SIRT4: variants seen among roughly 807,000 people sequenced by gnomAD.
The protein encoded by SIRT4 is NAD-dependent protein lipoamidase sirtuin-4, mitochondrial.
In SIRT4, 23 loss-of-function variants were observed where a neutral mutation model predicts 26.1. The observed-to-expected ratio is 0.88, with a 90% CI of 0.63 to 1.25. The LOEUF is 1.25. Ranked by LOEUF, SIRT4 falls within the 50% of genes most tolerant of loss-of-function variation. SIRT4 has a pLI of 0.00. For missense variants in SIRT4, 361 were observed against 405.4 expected (o/e 0.89, Z 0.94); for synonymous variants, 155 against 158.4 (o/e 0.98, Z 0.16).
the SIRT4 span, among the ~76,000 whole-genome samples, chr12:120,294,852 G>T: frequency 1.3e-5 from 2 of 149,496 alleles, no homozygotes; most frequent in Non-Finnish European, 3.0e-5. Flanking sequence ...TTTTGAGGGG[G>T]AGTCTCGCTC....
chr12:120,304,983 G>A (rs948462286), intron 2 of SIRT4, among the ~76,000 whole-genome samples: 3 of 150,888 alleles, frequency 2.0e-5, no homozygotes, highest in Admixed American at 6.6e-5. Context: ...GTGAAACCCC[G>A]TCTCTACTAA....
chr12:120,306,866 A>T (rs1218605352), intron 2 of SIRT4, among the ~76,000 whole-genome samples: 1 of 152,212 alleles, frequency 6.6e-6, no homozygotes, highest in Non-Finnish European at 1.5e-5. Context: ...TGAGGAAAAT[A>T]TGAGCTGAAC....
In SIRT4 at chr12:120,312,638, T is replaced by C; in HGVS notation, c.680T>C (p.Leu227Pro). The C allele has an allele frequency of 1.2e-6, 2 of 1,614,190 alleles. No homozygotes were observed. Among genetic ancestry groups the C allele is most frequent in the Non-Finnish European group, 1.7e-6 (2 of 1,180,036 alleles). ...VPTCVQCGGH[L>P]KPDVVFFGDT... Reference sequence around the variant, plus strand: ...ACCTGCGTTCAATGTGGAGGCCATCTGAAACCAGATGTCGTTTTCTTCGGG... The same window carrying C: ...ACCTGCGTTCAATGTGGAGGCCATCCGAAACCAGATGTCGTTTTCTTCGGG... Residue 227 changes from leucine (L) to proline (P), a missense_variant, in exon 3 of 4, where the codon CTG (leucine) becomes CCG (proline). Physicochemically the swap from Leu to Pro is moderately conservative, Grantham distance 98. Transcript: ENST00000202967.
At chr12:120,298,821 C>T (rs1872431044), upstream of SIRT4, among the ~76,000 whole-genome samples, 1 of 151,348 alleles carries the variant, frequency 6.6e-6, no homozygotes, top group Non-Finnish European at 1.5e-5. Flanking sequence ...GCAGGAGAAT[C>T]ACTTGAACCC....
At chr12:120,304,825 ATATATATATATTTT>A (rs1294396992) in intron 2 of SIRT4, among the ~76,000 whole-genome samples, 10 of 18,150 alleles carry the variant, frequency 5.5e-4, no homozygotes, top group Admixed American at 3.0e-3. Context: ...ATATATATAT[ATATATATATATTTT>A]TTTTTTTTTT....
At chr12:120,298,033 GA>G (rs903851362), upstream of SIRT4, among the ~76,000 whole-genome samples, 869 of 148,922 alleles carry the variant, frequency 5.8e-3, 8 homozygotes, top group African/African-American at 0.021. Flanking sequence ...CTGCAGCCTT[GA>G]AAAAAAAAGG....
chr12:120,292,219 A>G, the SIRT4 span, among the ~76,000 whole-genome samples: 38 of 152,346 alleles, frequency 2.5e-4, no homozygotes, highest in African/African-American at 9.1e-4. Flanking sequence ...TGGAGGGCGC[A>G]GACGGACGAC....
chr12:120,296,080 C>A, the SIRT4 span, among the ~76,000 whole-genome samples: 1 of 93,868 alleles, frequency 1.1e-5, no homozygotes, highest in Non-Finnish European at 2.0e-5. Context: ...AAGCGAGACT[C>A]CGTCTCAAAA....
intron 2 of SIRT4, among the ~76,000 whole-genome samples, chr12:120,304,896 G>A (rs1421516622): frequency 7.0e-6 from 1 of 143,346 alleles, no homozygotes; most frequent in African/African-American, 2.6e-5. Context: ...GCTCACGCCT[G>A]TAATCCCAGC....
Position 120,303,837 on chromosome 12 carries a change from T to C in SIRT4, c.276T>C (p.His92=), listed in dbSNP as rs762926007. 53 of 1,614,036 alleles carry C rather than the reference T, an allele frequency of 3.3e-5. No individual in the cohort carries two copies. The highest frequency in any genetic ancestry group is 4.3e-5 in the Non-Finnish European group (51 of 1,180,018). ...GCACTGACCGCAGGCCCATCCAGCA[T>C]GGTGATTTTGTCCGGAGTGCCCCAA... ...YARTDRRPIQ[H]GDFVRSAPIR... Residue 92 remains histidine (H), a synonymous_variant, in exon 2 of 4, where the codon CAT becomes CAC. Transcript: ENST00000202967.
At chr12:120,292,882 TA>T in the SIRT4 span, among the ~76,000 whole-genome samples, 1 of 152,208 alleles carries the variant, frequency 6.6e-6, no homozygotes, top group Admixed American at 6.6e-5. Flanking sequence ...GCTTTTACCT[TA>T]AAAGTAGAGA....
At chr12:120,297,340 A>AAG (rs1271107777), upstream of SIRT4, among the ~76,000 whole-genome samples, 1,115 of 114,066 alleles carry the variant, frequency 9.8e-3, 21 homozygotes, top group African/African-American at 0.033. Flanking sequence ...AAAAAAAAAA[A>AAG]AGAGAGAGAG....
intron 2 of SIRT4, among the ~76,000 whole-genome samples, chr12:120,309,953 C>A (rs956275933): frequency 6.6e-6 from 1 of 151,596 alleles, no homozygotes; most frequent in Non-Finnish European, 1.5e-5. Flanking sequence ...CTGACCTCAA[C>A]TGATCCACCC....
chr12:120,307,117 G>T (rs907873116), intron 2 of SIRT4, among the ~76,000 whole-genome samples: 2 of 152,186 alleles, frequency 1.3e-5, no homozygotes, highest in South Asian at 4.1e-4. Flanking sequence ...ATATTTACTG[G>T]GTGCCTAGAA....
At chr12:120,301,306 T>C (rs1048128555), upstream of SIRT4, among the ~76,000 whole-genome samples, 1 of 152,042 alleles carries the variant, frequency 6.6e-6, no homozygotes, top group African/African-American at 2.4e-5. Context: ...AATGGCACCA[T>C]TGCACTCCAG....
the SIRT4 span, among the ~76,000 whole-genome samples, chr12:120,293,669 A>G: frequency 6.6e-6 from 1 of 152,200 alleles, no homozygotes; most frequent in Non-Finnish European, 1.5e-5. Context: ...ATTCACTGGC[A>G]TAGAATATGT....
At chr12:120,296,127 C>T in the SIRT4 span, among the ~76,000 whole-genome samples, 3 of 145,300 alleles carry the variant, frequency 2.1e-5, no homozygotes, top group African/African-American at 7.6e-5. Context: ...AGTAACATTT[C>T]CCCCAACATT....
At chr12:120,308,255 C>T (rs996235340) in intron 2 of SIRT4, among the ~76,000 whole-genome samples, 1 of 150,558 alleles carries the variant, frequency 6.6e-6, no homozygotes, top group Non-Finnish European at 1.5e-5. Context: ...CTGCAACCTC[C>T]GCCTCCTGGG....
Position 120,304,020 on chromosome 12 carries a change from G to A in SIRT4, c.459G>A (p.Gly153=). 5 of 1,611,790 alleles carry A rather than the reference G, an allele frequency of 3.1e-6. No individual in the cohort carries two copies. The highest frequency in any genetic ancestry group is 4.2e-6 in the Non-Finnish European group (5 of 1,180,038). The part of the protein sequence containing the change: ...QNVDALHTKA[G]SRRLTELHGC... ...TGGATGCTTTGCACACCAAGGCGGG[G>A]AGTCGGCGCCTGACAGAGCTCCACG... Residue 153 remains glycine, a synonymous_variant, in exon 2 of 4, where the codon GGG becomes GGA. Coordinates refer to ENST00000202967, the MANE Select transcript of SIRT4 (RefSeq NM_012240.3).
Sources: allele counts gnomAD v4.1 joint callset (sites outside exome capture counted in the v4.1 genomes callset), GRCh38; gene constraint gnomAD v4.1.1; transcripts MANE v1.5; gene names NCBI Gene and HGNC (gene_info 2026-07-23, HGNC 2026-07-21).